The following SCN9A variants were observed in gnomAD, a reference collection of about 807,000 sequenced individuals.
SCN9A encodes the protein sodium voltage-gated channel alpha subunit 9.
SCN9A carries 131 observed loss-of-function variants against 187.0 expected under a neutral mutation model. The observed-to-expected ratio is 0.70, with a 90% CI of 0.61 to 0.81. The LOEUF is 0.81. Ranked by LOEUF, SCN9A falls within the 30% of genes least tolerant of loss-of-function variation. SCN9A has a pLI of 0.00. For synonymous variants in SCN9A, 809 were observed against 808.6 expected (o/e 1.00, Z -0.01); for missense variants, 2,252 against 2,396.6 (o/e 0.94, Z 1.26).
Position 166,340,490 on chromosome 2 carries a change from TTTC to T in SCN9A, c.-50-28687_-50-28685del, listed in dbSNP as rs200028908. 4.0e-3 allele frequency among the ~76,000 whole-genome samples: 574 copies of T among 142,262 alleles called. 17 individuals carry two copies. In the East Asian group the frequency reaches 0.072, roughly 18 times the overall value. 93.3% of individuals were successfully genotyped at this position (142,262 alleles called of 152,430 possible). ...CGTTTTCTTTCTTTCTCTTTCTTTT[TTTC>T]TTTCTTTCTTTCTTTTCCTTCCTTC... On this transcript the variant is annotated intron_variant, in intron 1 of 26. Coordinates refer to ENST00000642356, the MANE Select transcript of SCN9A (RefSeq NM_001365536.1).
At chr2:166,326,509 A>G (rs781188766) in intron 1 of SCN9A, among the ~76,000 whole-genome samples, 1 of 152,188 alleles carries the variant, frequency 6.6e-6, no homozygotes, top group Non-Finnish European at 1.5e-5. Flanking sequence ...TGTCTACAGC[A>G]TTTATGTTCC....
At chr2:166,303,977 ATG>A (rs1698666879) in intron 6 of SCN9A, 3 of 1,515,754 alleles carry the variant, frequency 2.0e-6, no homozygotes, top group Non-Finnish European at 2.7e-6. Flanking sequence ...GGTTTTTTTT[ATG>A]TCTTTCTTTC....
intron 24 of SCN9A, among the ~76,000 whole-genome samples, chr2:166,218,125 C>T (rs1356136964): frequency 1.3e-5 from 2 of 151,836 alleles, no homozygotes; most frequent in Non-Finnish European, 2.9e-5. Context: ...ATGCACAGTG[C>T]ACTACTATAC....
At chr2:166,252,351 G>T (rs1475384999) in intron 17 of SCN9A, among the ~76,000 whole-genome samples, 1 of 151,850 alleles carries the variant, frequency 6.6e-6, no homozygotes, top group African/African-American at 2.4e-5. Context: ...AAAACTTATT[G>T]ATAGTTAAAA....
rs565572520 is a variant in SCN9A, at chr2:166,254,397, C to A, written c.3352-2512G>T. 8.6e-4 allele frequency among the ~76,000 whole-genome samples: 130 copies of A among 151,480 alleles called. 1 individual carries two copies. Among genetic ancestry groups the A allele is most frequent in the South Asian group, 7.5e-3 (36 of 4,828 alleles). On this transcript the variant is annotated intron_variant, in intron 17 of 26. Transcript: ENST00000642356. ...ATATAGACAGTTCTAGTCAATTCAGCCTTTGAAATCTATACTTGCTACAGT... is the reference window on the plus strand; with the variant it reads ...ATATAGACAGTTCTAGTCAATTCAGACTTTGAAATCTATACTTGCTACAGT...
At chr2:166,366,901 A>G (rs1344154490) in intron 1 of SCN9A, among the ~76,000 whole-genome samples, 1 of 152,254 alleles carries the variant, frequency 6.6e-6, no homozygotes, top group Non-Finnish European at 1.5e-5. Flanking sequence ...AACATAATGT[A>G]AAATAAATTA....
intron 1 of SCN9A, among the ~76,000 whole-genome samples, chr2:166,348,044 A>G (rs897976033): frequency 2.6e-5 from 4 of 152,172 alleles, no homozygotes; most frequent in African/African-American, 9.7e-5. Flanking sequence ...CCTTTTTCCT[A>G]TGGCAAGATG....
chr2:166,301,567 T>C (rs1698556574), intron 7 of SCN9A: 1 of 150,912 alleles, frequency 6.6e-6, no homozygotes, highest in African/African-American at 2.5e-5. Flanking sequence ...ATTTAATTTG[T>C]TGAAAATTTT....
At chr2:166,348,338 G>A (rs1021001743) in intron 1 of SCN9A, among the ~76,000 whole-genome samples, 1 of 151,546 alleles carries the variant, frequency 6.6e-6, no homozygotes, top group East Asian at 2.0e-4. Context: ...ATTTTAACCC[G>A]CTCATTTAAA....
At chr2:166,348,709 A>G (rs1056683643) in intron 1 of SCN9A, among the ~76,000 whole-genome samples, 1 of 152,062 alleles carries the variant, frequency 6.6e-6, no homozygotes, top group South Asian at 2.1e-4. Flanking sequence ...CCTGATACTC[A>G]TTCCCACCCA....
rs1699210606 is a variant in SCN9A at position 166,320,460 on chromosome 2, T to C, written c.-50-8654A>G. ...TCTCTTTCAGGTAAATTGGAGACAA[T>C]TTGCAATTCATTTTTATTAATATTT... On this transcript the variant is annotated intron_variant, in intron 1 of 26. Transcript: ENST00000642356. 1.3e-5 allele frequency among the ~76,000 whole-genome samples: 2 copies of C among 152,064 alleles called. 1 individual carries two copies. Among genetic ancestry groups the C allele is most frequent in the Middle Eastern group, 6.3e-3 (2 of 316 alleles).
chr2:166,271,418 C>G (rs1397927083), intron 17 of SCN9A, among the ~76,000 whole-genome samples: 1 of 151,946 alleles, frequency 6.6e-6, no homozygotes, highest in African/African-American at 2.4e-5. Flanking sequence ...AAGGAAATCC[C>G]AAGCAAAGTG....
chr2:166,237,507 A>AT (rs1183381011), intron 20 of SCN9A, among the ~76,000 whole-genome samples: 5 of 152,126 alleles, frequency 3.3e-5, no homozygotes, highest in Non-Finnish European at 7.4e-5. Context: ...CATATTTGAG[A>AT]TAGAGACAAT....
At chr2:166,255,489 T>G (rs76772141) in intron 17 of SCN9A, among the ~76,000 whole-genome samples, 1 of 95,822 alleles carries the variant, frequency 1.0e-5, no homozygotes, top group Non-Finnish European at 2.3e-5. Flanking sequence ...ATGCTAGTTA[T>G]TTATTGTTCC....
Position 166,294,532 on chromosome 2 carries a change from A to G in SCN9A, c.965+67T>C, listed in dbSNP as rs188694847. 157 of 1,199,180 alleles carry G rather than the reference A, an allele frequency of 1.3e-4. 2 individuals carry two copies. The African/African-American group carries it at 2.3e-3, about 17-fold the overall frequency. 74.3% of individuals were successfully genotyped at this position (1,199,180 alleles called of 1,614,324 possible). A position where few individuals can be genotyped will look rare whatever the true frequency, so the allele number is the denominator to read the frequency against. ...ATATAGAATCAAAGACTAATTTGCA[A>G]ACTGACTGAACATTCTTTTCCTTCT... On this transcript the variant is annotated intron_variant, in intron 8 of 26. Coordinates refer to ENST00000642356, the MANE Select transcript of SCN9A (RefSeq NM_001365536.1).
intron 18 of SCN9A, among the ~76,000 whole-genome samples, chr2:166,245,470 C>T (rs1321096681): frequency 6.6e-6 from 1 of 151,394 alleles, no homozygotes; most frequent in Non-Finnish European, 1.5e-5. Context: ...AAAAGAGAAA[C>T]CAAAGAGTAA....
intron 17 of SCN9A, among the ~76,000 whole-genome samples, chr2:166,255,744 A>T (rs2106433182): frequency 6.6e-6 from 1 of 151,666 alleles, no homozygotes; most frequent in South Asian, 2.1e-4. Context: ...ATTTCACCTG[A>T]GCCTTAAAAT....
chr2:166,321,273 A>G (rs1699231153), intron 1 of SCN9A, among the ~76,000 whole-genome samples: 1 of 152,172 alleles, frequency 6.6e-6, no homozygotes, highest in South Asian at 2.1e-4. Flanking sequence ...TAATTCCAAC[A>G]TTTTCGGAGG....
intron 1 of SCN9A, among the ~76,000 whole-genome samples, chr2:166,362,750 G>A (rs1700316763): frequency 6.6e-6 from 1 of 151,680 alleles, no homozygotes; most frequent in African/African-American, 2.4e-5. Flanking sequence ...AAATTTATTA[G>A]GAATATAACT....
Sources: allele counts gnomAD v4.1 joint callset (sites outside exome capture counted in the v4.1 genomes callset), GRCh38; gene constraint gnomAD v4.1.1; transcripts MANE v1.5; gene names NCBI Gene and HGNC (gene_info 2026-07-23, HGNC 2026-07-21).